MPND: variants seen among roughly 807,000 people sequenced by gnomAD.
MPND encodes the protein MPN domain containing.
In MPND, 56 loss-of-function variants were observed where a neutral mutation model predicts 59.2. That is an observed-to-expected ratio of 0.95 (90% CI 0.76 to 1.18). The LOEUF (loss-of-function observed/expected upper bound fraction) is 1.18, where lower values mean the gene tolerates loss of function less well. MPND is among the 50% of genes most tolerant of loss of function. MPND has a pLI of 0.00. For missense variants in MPND, 671 were observed against 676.0 expected (o/e 0.99, Z 0.08); for synonymous variants, 323 against 291.9 (o/e 1.11, Z -1.09).
intron 2 of MPND, among the ~76,000 whole-genome samples, chr19:4,344,579 G>C (rs1308623842): frequency 6.6e-6 from 1 of 152,170 alleles, no homozygotes; most frequent in Non-Finnish European, 1.5e-5. Flanking sequence ...CACCCGCGCA[G>C]GGTCAGATGG....
intron 3 of MPND, among the ~76,000 whole-genome samples, chr19:4,346,772 T>C (rs1478963666): frequency 6.6e-6 from 1 of 150,518 alleles, no homozygotes; most frequent in Non-Finnish European, 1.5e-5. Context: ...GGCTCATGCC[T>C]GTAATCCCAG....
At chr19:4,350,083 T>C (rs1177500316) in intron 3 of MPND, among the ~76,000 whole-genome samples, 3 of 146,888 alleles carry the variant, frequency 2.0e-5, no homozygotes, top group African/African-American at 5.0e-5. Context: ...AAGAAGGTGG[T>C]TGGGGGGGCT....
rs375953534 is a variant in MPND, at chr19:4,357,238, C to T, written c.997-15C>T. On this transcript the variant is annotated splice_polypyrimidine_tract_variant and intron_variant, in intron 8 of 12. Transcript: ENST00000599840. ...TCAGGCCCCTGTGCCCGCTGAGCTG[C>T]GCCTCTGTCCCCAGATCTACCAGAG... The T allele has an allele frequency of 1.5e-5, 23 of 1,569,962 alleles. No homozygotes were observed. In the African/African-American group the frequency reaches 1.5e-4, roughly 10 times the overall value.
intron 3 of MPND, chr19:4,347,827 A>T (rs1972219913): frequency 6.2e-6 from 2 of 322,672 alleles, no homozygotes; most frequent in Non-Finnish European, 1.2e-5. Context: ...AGTGTCTACA[A>T]GGAACTGGCA....
At chr19:4,358,614 C>T (rs1599580128) in intron 11 of MPND, among the ~76,000 whole-genome samples, 2 of 152,204 alleles carry the variant, frequency 1.3e-5, no homozygotes, top group Admixed American at 6.5e-5. Context: ...ATGGCGAAAC[C>T]CTGTCACTAC....
rs1367848237 is a variant in MPND, at chr19:4,354,388, G to A, written c.814G>A (p.Val272Met). The A allele has an allele frequency of 7.7e-6, 12 of 1,560,940 alleles. No individual in the cohort carries two copies. Among genetic ancestry groups the A allele is most frequent in the Admixed American group, 1.9e-5 (1 of 52,364 alleles). ...CATCAACAAGTTCCAGCCGTTCAAC[G>A]TGGCTGTTTCTAGCAACGTGCTGTT... ...AAINKFQPFN[V>M]AVSSNVLFLL... The change falls in exon 6 of 13, where the codon GTG (valine) becomes ATG (methionine). Residue 272 changes from valine (V) to methionine (M), a missense_variant. Val to Met is a conservative substitution (Grantham distance 21). Transcript: ENST00000599840.
chr19:4,345,161 C>G (rs928204328), intron 2 of MPND, among the ~76,000 whole-genome samples: 1 of 150,590 alleles, frequency 6.6e-6, no homozygotes, highest in African/African-American at 2.5e-5. Context: ...ATTCTCCTGC[C>G]TTAGCCTCTT....
chr19:4,345,233 G>A (rs1243024425), intron 2 of MPND, among the ~76,000 whole-genome samples: 1 of 151,206 alleles, frequency 6.6e-6, no homozygotes, highest in African/African-American at 2.4e-5. Flanking sequence ...TTTTAGTAGA[G>A]ATGGGGTTTC....
intron 3 of MPND, chr19:4,347,731 G>A: frequency 1.3e-6 from 1 of 771,786 alleles, no homozygotes. Flanking sequence ...GCTTCAGTGA[G>A]CCACAAGCAC....
intron 8 of MPND, among the ~76,000 whole-genome samples, chr19:4,355,878 A>G (rs1303876854): frequency 8.1e-6 from 1 of 123,930 alleles, no homozygotes; most frequent in East Asian, 2.4e-4. Flanking sequence ...TTTTCTTGAG[A>G]CATTCTCGCT....
At chr19:4,346,907 G>A (rs1457659993) in intron 3 of MPND, among the ~76,000 whole-genome samples, 1 of 152,054 alleles carries the variant, frequency 6.6e-6, no homozygotes, top group Admixed American at 6.5e-5. Context: ...GTGCACGCCT[G>A]TAGTCCCAGC....
At chr19:4,356,406 A>G (rs1029998242) in intron 8 of MPND, among the ~76,000 whole-genome samples, 4 of 152,094 alleles carry the variant, frequency 2.6e-5, no homozygotes, top group East Asian at 1.9e-4. Context: ...TTAGCCAGAC[A>G]TGGTGGTACG....
At chr19:4,349,718 C>T (rs1239947027) in intron 3 of MPND, among the ~76,000 whole-genome samples, 3 of 152,010 alleles carry the variant, frequency 2.0e-5, no homozygotes, top group Non-Finnish European at 4.4e-5. Context: ...ACCATGTTGG[C>T]CAGGCTAGTC....
intron 3 of MPND, 148 bp downstream of exon 3, chr19:4,346,129 C>T (rs1972181798): frequency 7.2e-6 from 5 of 698,798 alleles, no homozygotes; most frequent in Non-Finnish European, 1.2e-5. Context: ...TCCTCCATCC[C>T]TCCAGGGCTG....
intron 5 of MPND, 90 bp downstream of exon 5, chr19:4,354,219 ACAGAGC>A: frequency 2.0e-6 from 3 of 1,501,344 alleles, no homozygotes; most frequent in Non-Finnish European, 2.7e-6. Context: ...GGGGGGTGGG[ACAGAGC>A]CTCAGATCCT....
At position 4,358,008 on chromosome 19, in the gene MPND, G is replaced by A. The variant is rs1033373109; in HGVS notation, c.1237-75G>A. ...GTGCACTCTCCCGTTCCCAGCCCGG[G>A]CACTGCCAATTGTCCCCAGCTGCCA... On this transcript the variant is annotated intron_variant, in intron 10 of 12. Transcript: ENST00000599840. The A allele has an allele frequency of 4.8e-6, 6 of 1,250,644 alleles. No homozygotes were observed. In the Admixed American group the frequency reaches 1.0e-4, roughly 21 times the overall value. 77.5% of individuals were successfully genotyped at this position (1,250,644 alleles called of 1,614,324 possible).
intron 10 of MPND, 51 bp downstream of exon 10, chr19:4,357,636 T>G (rs772405142): frequency 1.3e-5 from 20 of 1,552,742 alleles, no homozygotes; most frequent in Non-Finnish European, 1.8e-5. Flanking sequence ...ACTGGGGCAT[T>G]TGGGTCACGA....
At chr19:4,359,311 G>A in intron 12 of MPND, 56 bp downstream of exon 12, 1 of 1,368,262 alleles carries the variant, frequency 7.3e-7, no homozygotes, top group South Asian at 1.2e-5. Flanking sequence ...GGCCCCCTGG[G>A]CAGCCTAAAA....
chr19:4,346,858 C>T (rs1055230943), intron 3 of MPND, among the ~76,000 whole-genome samples: 4 of 152,056 alleles, frequency 2.6e-5, no homozygotes, highest in African/African-American at 7.2e-5. Context: ...GGTGAAACCC[C>T]GTCTCTACTA....
Sources: allele counts gnomAD v4.1 joint callset (sites outside exome capture counted in the v4.1 genomes callset), GRCh38; gene constraint gnomAD v4.1.1; transcripts MANE v1.5; gene names NCBI Gene and HGNC (gene_info 2026-07-23, HGNC 2026-07-21).